The following ATXN2 variants were observed in gnomAD, a reference collection of about 807,000 sequenced individuals.
ATXN2 encodes the protein ataxin-2.
Under a neutral mutation model 138.6 loss-of-function variants are expected in ATXN2, and 37 were observed. The observed-to-expected ratio is 0.27, with a 90% CI of 0.21 to 0.35. The LOEUF (loss-of-function observed/expected upper bound fraction) is 0.35, where lower values mean the gene tolerates loss of function less well. ATXN2 is among the 10% of genes least tolerant of loss of function. The pLI, the probability that ATXN2 is intolerant of heterozygous loss-of-function variation, is 1.00. For missense variants in ATXN2, 1,216 were observed against 1,480.3 expected, an observed-to-expected ratio of 0.82 and a Z score of 2.93; for synonymous variants, 549 against 543.7, an observed-to-expected ratio of 1.01 and a Z score of -0.13.
At position 111,552,960 on chromosome 12, in the gene ATXN2, T is replaced by C. The variant is rs1355294948; in HGVS notation, c.366A>G (p.Val122=). 1.9e-6 allele frequency: 3 copies of C among 1,565,562 alleles called. No individual in the cohort carries two copies. Among genetic ancestry groups the C allele is most frequent in the African/African-American group, 2.8e-5 (2 of 71,922 alleles). Reference sequence around the variant, plus strand: ...CATATATACCTCCATTTTTCACTTGTACTTCACATTTGGAGCCCTAAAAAC... The same window carrying C: ...CATATATACCTCCATTTTTCACTTGCACTTCACATTTGGAGCCCTAAAAAC... ...LTSVVGSKCE[V]QVKNGGIYEG... is the part of the protein sequence containing the mutation. Residue 122 remains valine (V), a synonymous_variant, in exon 4 of 25, where the codon GTA becomes GTG. Coordinates refer to ENST00000673436, the MANE Select transcript of ATXN2 (RefSeq NM_001372574.1). The surrounding 1 kb of genome is among the most constrained non-coding windows in gnomAD (Gnocchi z 4.1).
At chr12:111,575,323 T>C (rs972331385) in intron 1 of ATXN2, among the ~76,000 whole-genome samples, 1 of 152,176 alleles carries the variant, frequency 6.6e-6, no homozygotes, top group African/African-American at 2.4e-5. Context: ...TAGCTGCGAC[T>C]ACAGGTGTGT....
In ATXN2 at chr12:111,599,114, GGCGGGGACGCGCGGGCGCCGA is replaced by G. The variant is rs1158566098; in HGVS notation, c.-101_-81del. The G allele has an allele frequency of 8.7e-6, 11 of 1,266,306 alleles. No individual in the cohort carries two copies. Among genetic ancestry groups the G allele is most frequent in the African/African-American group, 1.6e-5 (1 of 63,806 alleles). 78.4% of individuals were successfully genotyped at this position (1,266,306 alleles called of 1,614,324 possible). A position where few individuals can be genotyped will look rare whatever the true frequency, so the allele number is the denominator to read the frequency against. On this transcript the variant is annotated 5_prime_UTR_variant, in exon 1 of 25. Transcript: ENST00000673436. ...GCGCGCCAAGGAGACGCCGGAACGC[GGCGGGGACGCGCGGGCGCCGA>G]GCGGGGAGGCGCGGGTTGGCGCGGC...
chr12:111,536,045 A>G (rs1881152759), intron 5 of ATXN2, among the ~76,000 whole-genome samples: 1 of 151,960 alleles, frequency 6.6e-6, no homozygotes, highest in South Asian at 2.1e-4. Context: ...GATAAGGTTG[A>G]AAAAGAGAAG....
chr12:111,460,752 ATG>A (rs1282046283), intron 21 of ATXN2, among the ~76,000 whole-genome samples: 1 of 152,216 alleles, frequency 6.6e-6, no homozygotes, highest in African/African-American at 2.4e-5. Context: ...AACTGGAAAA[ATG>A]TAAAAATCTT....
chr12:111,490,211 T>C (rs919537117), intron 14 of ATXN2, among the ~76,000 whole-genome samples: 1 of 139,950 alleles, frequency 7.1e-6, no homozygotes, highest in African/African-American at 2.6e-5. Context: ...CATCTAAAAA[T>C]TAAAAAAAAA....
rs2073950 is a variant in ATXN2, at chr12:111,456,268, C to T, written c.3043-12G>A. 0.21 allele frequency: 336,383 copies of T among 1,613,538 alleles called. 36,117 individuals carry two copies. The highest frequency in any genetic ancestry group is 0.33 in the Middle Eastern group (1,972 of 6,058). ...TGGTGCTGATGGTGCTGCAAAGCGA[C>T]AGGAAAGAATTGAGAGGAAAACTTC... On this transcript the variant is annotated splice_polypyrimidine_tract_variant and intron_variant, in intron 22 of 24. Coordinates refer to ENST00000673436, the MANE Select transcript of ATXN2 (RefSeq NM_001372574.1).
intron 1 of ATXN2, among the ~76,000 whole-genome samples, chr12:111,582,555 C>G (rs1053142572): frequency 2.6e-5 from 4 of 152,154 alleles, no homozygotes; most frequent in African/African-American, 9.6e-5. Context: ...CTGCAATAAG[C>G]CATGATCACA....
intron 21 of ATXN2, among the ~76,000 whole-genome samples, chr12:111,460,165 T>C (rs1216835421): frequency 6.6e-6 from 1 of 152,236 alleles, no homozygotes; most frequent in Non-Finnish European, 1.5e-5. Context: ...CACCGCAACC[T>C]CTGCCTCCCG....
Position 111,464,654 on chromosome 12 carries a change from C to A in ATXN2, c.2896+8G>T, listed in dbSNP as rs781115949. The A allele has an allele frequency of 3.1e-6, 5 of 1,603,836 alleles. No individual in the cohort carries two copies. In the African/African-American group the frequency reaches 6.7e-5, roughly 22 times the overall value. On this transcript the variant is annotated splice_region_variant and intron_variant, in intron 21 of 24. Transcript: ENST00000673436. ...CAATTAAAAATTAGTATAAAAAACC[C>A]AACTCACTGGCAAAGTAGAAAGAAG...
At chr12:111,528,982 T>G (rs1310269133) in intron 5 of ATXN2, among the ~76,000 whole-genome samples, 1 of 152,234 alleles carries the variant, frequency 6.6e-6, no homozygotes, top group East Asian at 1.9e-4. Context: ...TTTTTGTTTT[T>G]GTTTTTTCAG....
chr12:111,457,639 A>G (rs1252744832), intron 21 of ATXN2: 2 of 268,584 alleles, frequency 7.4e-6, no homozygotes, highest in Non-Finnish European at 1.4e-5. Flanking sequence ...GGTTTTCCCA[A>G]AAAGGCAACT....
intron 5 of ATXN2, among the ~76,000 whole-genome samples, chr12:111,545,859 G>A (rs888290785): frequency 1.3e-5 from 2 of 151,920 alleles, no homozygotes; most frequent in South Asian, 2.1e-4. Context: ...CAGTTATGTA[G>A]GAGGTTGAGG....
chr12:111,581,526 G>T, intron 1 of ATXN2: 1 of 1,018,526 alleles, frequency 9.8e-7, no homozygotes, highest in Non-Finnish European at 1.6e-6. Context: ...CCCATCCACA[G>T]CGAGAACTCC....
Position 111,466,736 on chromosome 12 carries a change from A to G in ATXN2, c.2843-2021T>C, listed in dbSNP as rs552067672. ...GTTTTCAATGCCTTTGGCTATGGCT[A>G]TAACAATTAATGAATGAGAAAAGGT... is the stretch of plus-strand genomic sequence containing the variant. On this transcript the variant is annotated intron_variant, in intron 20 of 24. Transcript: ENST00000673436. 1.7e-3 allele frequency among the ~76,000 whole-genome samples: 261 copies of G among 152,324 alleles called. 1 individual carries two copies. Among genetic ancestry groups the G allele is most frequent in the Non-Finnish European group, 1.4e-3 (94 of 68,026 alleles).
chr12:111,485,566 A>T (rs1877578379), intron 17 of ATXN2, 147 bp downstream of exon 17: 2 of 1,058,802 alleles, frequency 1.9e-6, no homozygotes, highest in East Asian at 2.5e-5. Context: ...CTCATACTTA[A>T]CAACACACTG....
At chr12:111,553,833 T>C (rs1043427550) in intron 3 of ATXN2, among the ~76,000 whole-genome samples, 1 of 151,872 alleles carries the variant, frequency 6.6e-6, no homozygotes, top group Non-Finnish European at 1.5e-5. Flanking sequence ...ACTTGTGAGC[T>C]CAAGCCATCT....
intron 14 of ATXN2, among the ~76,000 whole-genome samples, chr12:111,491,479 C>G (rs1207423181): frequency 6.6e-6 from 1 of 152,050 alleles, no homozygotes; most frequent in African/African-American, 2.4e-5. Flanking sequence ...TCCCCCAACT[C>G]CAGGTACCAC....
chr12:111,551,632 T>C (rs1214739196), intron 5 of ATXN2, among the ~76,000 whole-genome samples: 1 of 152,210 alleles, frequency 6.6e-6, no homozygotes, highest in Admixed American at 6.5e-5. Flanking sequence ...ATTTGCCACA[T>C]GCCCACTTAT....
chr12:111,564,297 A>T (rs1305596830), intron 1 of ATXN2, among the ~76,000 whole-genome samples: 2 of 152,120 alleles, frequency 1.3e-5, no homozygotes, highest in African/African-American at 4.8e-5. Flanking sequence ...TAATGAATTA[A>T]CAGCCCAATC....
Sources: allele counts gnomAD v4.1 joint callset (sites outside exome capture counted in the v4.1 genomes callset), GRCh38; gene constraint gnomAD v4.1.1; non-coding constraint Gnocchi (gnomAD v3.1); transcripts MANE v1.5; gene names NCBI Gene and HGNC (gene_info 2026-07-23, HGNC 2026-07-21).